Variants in ACSS3 observed in about 807,000 individuals in gnomAD.
The protein encoded by ACSS3 is acyl-CoA synthetase short-chain family member 3, mitochondrial.
ACSS3 carries 64 observed loss-of-function variants against 84.2 expected under a neutral mutation model. The observed-to-expected ratio is 0.76, with a 90% CI of 0.62 to 0.94. ACSS3 has a LOEUF of 0.94. Ranked by LOEUF, ACSS3 falls within the 40% of genes least tolerant of loss-of-function variation. The probability of loss-of-function intolerance (pLI) is 0.00; values close to 1 mark genes in which losing one functional copy is unlikely to be tolerated. For missense variants in ACSS3, 815 were observed against 867.6 expected, an observed-to-expected ratio of 0.94 and a Z score of 0.76; for synonymous variants, 317 against 310.1, an observed-to-expected ratio of 1.02 and a Z score of -0.23.
chr12:81,215,795 A>G (rs187246262), intron 9 of ACSS3, among the ~76,000 whole-genome samples: 1 of 152,320 alleles, frequency 6.6e-6, no homozygotes, highest in Non-Finnish European at 1.5e-5. Context: ...ATGAATGTTA[A>G]TAAGTGCATC....
intron 5 of ACSS3, among the ~76,000 whole-genome samples, chr12:81,148,424 A>C (rs1235478116): frequency 6.6e-6 from 1 of 152,238 alleles, no homozygotes; most frequent in African/African-American, 2.4e-5. Context: ...ATCTGTGATA[A>C]CTTTGTGGTC....
intron 10 of ACSS3, among the ~76,000 whole-genome samples, chr12:81,217,923 A>G (rs2032980117): frequency 6.6e-6 from 1 of 152,210 alleles, no homozygotes; most frequent in Non-Finnish European, 1.5e-5. Flanking sequence ...TGCTGGCTTT[A>G]TGTGACTAAA....
intron 8 of ACSS3, among the ~76,000 whole-genome samples, chr12:81,194,462 C>T (rs1261613206): frequency 2.6e-5 from 4 of 151,708 alleles, no homozygotes; most frequent in Admixed American, 6.6e-5. Context: ...AGAAGTCATC[C>T]GTAAAGTCTT....
At chr12:81,154,981 C>T (rs1020480887) in intron 7 of ACSS3, among the ~76,000 whole-genome samples, 2 of 152,174 alleles carry the variant, frequency 1.3e-5, no homozygotes, top group Non-Finnish European at 2.9e-5. Flanking sequence ...CGTTCTTGGG[C>T]TGTGTGCAGT....
At chr12:81,185,765 T>C (rs1270192298) in intron 8 of ACSS3, among the ~76,000 whole-genome samples, 1 of 151,752 alleles carries the variant, frequency 6.6e-6, no homozygotes, top group African/African-American at 2.4e-5. Context: ...TTTAATATTA[T>C]TAAAATATCC....
At chr12:81,135,104 C>T (rs1885716705) in intron 3 of ACSS3, 100 bp downstream of exon 3, 1 of 1,009,546 alleles carries the variant, frequency 9.9e-7, no homozygotes, top group South Asian at 3.8e-5. Context: ...CTTGTTAGAT[C>T]CTCCCTTCAA....
chr12:81,157,239 G>A (rs1267767206), intron 7 of ACSS3, among the ~76,000 whole-genome samples: 1 of 152,074 alleles, frequency 6.6e-6, no homozygotes, highest in Non-Finnish European at 1.5e-5. Context: ...CATATTAATA[G>A]GCTACAGAAA....
At chr12:81,226,470 A>G (rs2033275842) in intron 11 of ACSS3, among the ~76,000 whole-genome samples, 2 of 151,874 alleles carry the variant, frequency 1.3e-5, no homozygotes, top group Admixed American at 6.6e-5. Context: ...GCATATCAAT[A>G]TATCCACCCA....
chr12:81,119,000 G>A (rs1411382570), intron 2 of ACSS3, among the ~76,000 whole-genome samples: 8 of 152,132 alleles, frequency 5.3e-5, no homozygotes, highest in East Asian at 1.9e-4. Flanking sequence ...ACCCACCCCC[G>A]ATATTTCGTA....
chr12:81,148,723 T>C (rs1886461156), intron 5 of ACSS3, among the ~76,000 whole-genome samples: 1 of 151,750 alleles, frequency 6.6e-6, no homozygotes, highest in African/African-American at 2.4e-5. Flanking sequence ...TATGAGAATA[T>C]ATGAGATCAT....
At position 81,233,387 on chromosome 12, in the gene ACSS3, A is replaced by G. The variant is rs766038684; in HGVS notation, c.1635A>G (p.Glu545=). The G allele has an allele frequency of 3.1e-6, 5 of 1,610,962 alleles. No individual in the cohort carries two copies. Among genetic ancestry groups the G allele is most frequent in the Non-Finnish European group, 4.2e-6 (5 of 1,177,892 alleles). Residue 545 remains glutamate (E), a synonymous_variant, in exon 13 of 16, where the codon GAA becomes GAG. Coordinates refer to ENST00000548058, the MANE Select transcript of ACSS3 (RefSeq NM_024560.4). Reference sequence around the variant, plus strand: ...CCATGGATGCTGGTTACATGGATGAAGAAGGCTATTTGTATGTTATGTCTC... The same window carrying G: ...CCATGGATGCTGGTTACATGGATGAGGAAGGCTATTTGTATGTTATGTCTC... ...YDTMDAGYMD[E]EGYLYVMSRV...
At chr12:81,098,633 T>G (rs1882262301) in intron 1 of ACSS3, among the ~76,000 whole-genome samples, 1 of 152,216 alleles carries the variant, frequency 6.6e-6, no homozygotes, top group Non-Finnish European at 1.5e-5. Context: ...ATACAATTCT[T>G]TAAAATTTTT....
rs974229538 is a variant in ACSS3, at chr12:81,167,216, A to C, written c.1099-7572A>C. Among the ~76,000 whole-genome samples, 26 of 152,210 alleles carry C rather than the reference A, an allele frequency of 1.7e-4. 1 individual carries two copies. The highest frequency in any genetic ancestry group is 2.1e-4 in the South Asian group (1 of 4,834). ...AAACTTTTTTTAAAGGGGATTAGAT[A>C]GACTCTTATCTGCTAGATAGAAACA... On this transcript the variant is annotated intron_variant, in intron 7 of 15. Coordinates refer to ENST00000548058, the MANE Select transcript of ACSS3 (RefSeq NM_024560.4).
chr12:81,249,684 G>C (rs2034091441), intron 13 of ACSS3, among the ~76,000 whole-genome samples: 1 of 151,406 alleles, frequency 6.6e-6, no homozygotes, highest in Non-Finnish European at 1.5e-5. Flanking sequence ...TAGTTCCTGA[G>C]TATTCACATG....
intron 10 of ACSS3, among the ~76,000 whole-genome samples, chr12:81,217,468 A>T (rs980410827): frequency 6.6e-6 from 1 of 152,246 alleles, no homozygotes; most frequent in Non-Finnish European, 1.5e-5. Context: ...TGATTTCAAA[A>T]GCTGCAGTTT....
At chr12:81,250,700 T>C (rs1295956350) in intron 13 of ACSS3, among the ~76,000 whole-genome samples, 1 of 152,108 alleles carries the variant, frequency 6.6e-6, no homozygotes, top group Non-Finnish European at 1.5e-5. Context: ...TACCTTGGCA[T>C]TTTAGGAACT....
intron 8 of ACSS3, among the ~76,000 whole-genome samples, chr12:81,189,040 G>A (rs893600951): frequency 5.9e-5 from 9 of 151,796 alleles, no homozygotes; most frequent in African/African-American, 1.9e-4. Context: ...CTGAAATATT[G>A]TAGCCTTTGG....
intron 13 of ACSS3, among the ~76,000 whole-genome samples, chr12:81,244,423 GA>G (rs1267232447): frequency 2.0e-5 from 3 of 151,886 alleles, no homozygotes; most frequent in Admixed American, 6.6e-5. Context: ...TAATTTGGGG[GA>G]AACTCTCAGT....
At chr12:81,090,335 C>G (rs1188629990) in intron 1 of ACSS3, among the ~76,000 whole-genome samples, 1 of 152,008 alleles carries the variant, frequency 6.6e-6, no homozygotes, top group Non-Finnish European at 1.5e-5. Context: ...TTTGTCACTT[C>G]ACATCTATTA....
Sources: allele counts gnomAD v4.1 joint callset (sites outside exome capture counted in the v4.1 genomes callset), GRCh38; gene constraint gnomAD v4.1.1; transcripts MANE v1.5; gene names NCBI Gene and HGNC (gene_info 2026-07-23, HGNC 2026-07-21).